The following SLC13A3 variants were observed in gnomAD, a reference collection of about 807,000 sequenced individuals.
The protein encoded by SLC13A3 is Na(+)/dicarboxylate cotransporter 3.
SLC13A3 carries 40 observed loss-of-function variants against 59.0 expected under a neutral mutation model. The observed-to-expected ratio is 0.68, with a 90% CI of 0.53 to 0.88. The LOEUF (loss-of-function observed/expected upper bound fraction) is 0.88, where lower values mean the gene tolerates loss of function less well. Among genes scored for constraint, SLC13A3 ranks in the 40% least tolerant of loss-of-function variants. The pLI is 0.00. For missense variants in SLC13A3, 699 were observed against 783.2 expected (o/e 0.89, Z 1.28); for synonymous variants, 317 against 330.3 (o/e 0.96, Z 0.44).
intron 1 of SLC13A3, among the ~76,000 whole-genome samples, chr20:46,614,262 G>A (rs868629570): frequency 6.6e-6 from 1 of 152,126 alleles, no homozygotes; most frequent in Admixed American, 6.5e-5. Flanking sequence ...AATTCTGATG[G>A]GGAACCCTGG....
chr20:46,632,928 T>G (rs377658151), intron 1 of SLC13A3, among the ~76,000 whole-genome samples: 824 of 62,840 alleles, frequency 0.013, 27 homozygotes, highest in South Asian at 0.093. Flanking sequence ...TCTATCTATC[T>G]ATCTATCTAT....
At chr20:46,668,571 G>A (rs1012749154) in intron 1 of SLC13A3, among the ~76,000 whole-genome samples, 1 of 152,228 alleles carries the variant, frequency 6.6e-6, no homozygotes, top group African/African-American at 2.4e-5. Flanking sequence ...ACATAAAAGT[G>A]CAAGTGAAAC....
intron 1 of SLC13A3, among the ~76,000 whole-genome samples, chr20:46,646,613 CCAGA>C (rs1348251694): frequency 6.6e-6 from 1 of 152,168 alleles, no homozygotes; most frequent in Admixed American, 6.5e-5. Context: ...CTCTTCAGAG[CCAGA>C]CACAAATCCA....
At chr20:46,580,985 A>AT (rs1444179945) in intron 9 of SLC13A3, among the ~76,000 whole-genome samples, 5 of 152,268 alleles carry the variant, frequency 3.3e-5, no homozygotes, top group African/African-American at 7.2e-5. Flanking sequence ...TTAAAAGTGC[A>AT]TATAAATATG....
rs772479437 is a variant in SLC13A3, at chr20:46,599,958, A to C, written c.608+13T>G. ...AAGCACTGGGTCCTCTATGAATTTCACCAGTAACTTACGCTTCTGTGCTGG... is the reference window on the plus strand; with the variant it reads ...AAGCACTGGGTCCTCTATGAATTTCCCCAGTAACTTACGCTTCTGTGCTGG... On this transcript the variant is annotated intron_variant, in intron 4 of 12. Coordinates refer to ENST00000279027, the MANE Select transcript of SLC13A3 (RefSeq NM_022829.6). The C allele has an allele frequency of 9.6e-6, 15 of 1,556,844 alleles. No homozygotes were observed. The highest frequency in any genetic ancestry group is 1.3e-5 in the Non-Finnish European group (15 of 1,139,880).
At chr20:46,590,673 GCAGA>G (rs537284695) in intron 6 of SLC13A3, among the ~76,000 whole-genome samples, 58 of 152,174 alleles carry the variant, frequency 3.8e-4, no homozygotes, top group Middle Eastern at 6.8e-3. Context: ...CTGCAAGGAA[GCAGA>G]CACTCTCATA....
chr20:46,630,312 T>G (rs2062724570), intron 1 of SLC13A3, among the ~76,000 whole-genome samples: 1 of 152,248 alleles, frequency 6.6e-6, no homozygotes, highest in Non-Finnish European at 1.5e-5. Context: ...GACAAGCGTC[T>G]TGGAGCCTCC....
intron 2 of SLC13A3, among the ~76,000 whole-genome samples, chr20:46,612,603 T>G (rs1249913687): frequency 2.7e-5 from 2 of 73,866 alleles, no homozygotes; most frequent in African/African-American, 2.4e-4. Flanking sequence ...CAGGTGTCTG[T>G]GTTCAAAAAA....
intron 1 of SLC13A3, among the ~76,000 whole-genome samples, chr20:46,634,876 C>T (rs765897533): frequency 3.3e-5 from 5 of 152,188 alleles, no homozygotes; most frequent in East Asian, 3.9e-4. Context: ...CATCATGGAG[C>T]GGCATGGTGG....
chr20:46,615,013 T>A (rs1451460471), intron 1 of SLC13A3, among the ~76,000 whole-genome samples: 1 of 152,158 alleles, frequency 6.6e-6, no homozygotes, highest in Admixed American at 6.5e-5. Context: ...GTGTGCACAT[T>A]TGTCAAAACC....
intron 1 of SLC13A3, among the ~76,000 whole-genome samples, chr20:46,622,738 T>C (rs1180676319): frequency 4.6e-5 from 7 of 151,824 alleles, no homozygotes; most frequent in African/African-American, 1.7e-4. Flanking sequence ...CTAGGGACAC[T>C]CTAAGGTCAG....
chr20:46,588,653 G>T (rs1251965326), intron 7 of SLC13A3, among the ~76,000 whole-genome samples: 4 of 152,074 alleles, frequency 2.6e-5, no homozygotes, highest in African/African-American at 7.2e-5. Context: ...GTGGATGAAG[G>T]TGGAAAGAGA....
intron 1 of SLC13A3, among the ~76,000 whole-genome samples, chr20:46,622,908 G>T (rs930126473): frequency 6.6e-6 from 1 of 151,954 alleles, no homozygotes; most frequent in African/African-American, 2.4e-5. Flanking sequence ...TCAACTATCA[G>T]AAAAAGAAAT....
intron 3 of SLC13A3, among the ~76,000 whole-genome samples, chr20:46,604,842 G>A (rs896795535): frequency 6.6e-6 from 1 of 152,220 alleles, no homozygotes; most frequent in Admixed American, 6.5e-5. Flanking sequence ...GCACACTAAG[G>A]TTGGGGGCAA....
intron 8 of SLC13A3, among the ~76,000 whole-genome samples, chr20:46,587,135 C>T (rs1013358766): frequency 5.9e-5 from 9 of 152,176 alleles, no homozygotes; most frequent in Non-Finnish European, 1.0e-4. Flanking sequence ...AACTATTCTC[C>T]TCGTCTATAT....
At chr20:46,587,501 C>T (rs1344829110) in intron 8 of SLC13A3, among the ~76,000 whole-genome samples, 1 of 152,180 alleles carries the variant, frequency 6.6e-6, no homozygotes, top group Non-Finnish European at 1.5e-5. Context: ...AAACATGCTA[C>T]GTTTGTTCTG....
intron 1 of SLC13A3, among the ~76,000 whole-genome samples, chr20:46,639,667 C>A (rs987687121): frequency 6.6e-6 from 1 of 152,210 alleles, no homozygotes; most frequent in Non-Finnish European, 1.5e-5. Flanking sequence ...TGATGTCCCA[C>A]CTTCCCCATC....
intron 1 of SLC13A3, among the ~76,000 whole-genome samples, chr20:46,669,027 T>C (rs1027909356): frequency 3.3e-5 from 5 of 152,198 alleles, no homozygotes; most frequent in African/African-American, 1.2e-4. Context: ...ATTGGACAGA[T>C]AAGGAAACTG....
At chr20:46,665,953 T>C (rs1313620704) in intron 1 of SLC13A3, among the ~76,000 whole-genome samples, 1 of 152,238 alleles carries the variant, frequency 6.6e-6, no homozygotes, top group African/African-American at 2.4e-5. Context: ...TGCTTTTTAT[T>C]TCAAAGATAA....
Sources: allele counts gnomAD v4.1 joint callset (sites outside exome capture counted in the v4.1 genomes callset), GRCh38; gene constraint gnomAD v4.1.1; transcripts MANE v1.5; gene names NCBI Gene and HGNC (gene_info 2026-07-23, HGNC 2026-07-21).